The following MAPKBP1 variants were observed in gnomAD, a reference collection of about 807,000 sequenced individuals.
The protein encoded by MAPKBP1 is mitogen-activated protein kinase-binding protein 1.
Under a neutral mutation model 170.5 loss-of-function variants are expected in MAPKBP1, and 71 were observed. The ratio of observed to expected loss-of-function variants is 0.42; its 90% CI spans 0.34 to 0.51. The LOEUF (loss-of-function observed/expected upper bound fraction) is 0.51. MAPKBP1 is among the 20% of genes least tolerant of loss of function. The pLI, the probability that MAPKBP1 is intolerant of heterozygous loss-of-function variation, is 0.06. For synonymous variants in MAPKBP1, 719 were observed against 757.9 expected (o/e 0.95, Z 0.84); for missense variants, 1,598 against 1,933.0 (o/e 0.83, Z 3.25).
chr15:41,819,557 G>GGGGGGGCCCCCCCC, intron 21 of MAPKBP1, 38 bp from the exon 22 acceptor site: 2 of 1,384,600 alleles, frequency 1.4e-6, no homozygotes, highest in Non-Finnish European at 2.0e-6. Flanking sequence ...CGGGGGGGGG[G>GGGGGGGCCCCCCCC]CAGGAGACAC....
chr15:41,792,317 A>G (rs1313066452), intron 2 of MAPKBP1, among the ~76,000 whole-genome samples: 1 of 151,842 alleles, frequency 6.6e-6, no homozygotes, highest in Non-Finnish European at 1.5e-5. Flanking sequence ...TGCTCTGCCT[A>G]GTTCCTACTG....
Position 41,814,552 on chromosome 15 carries a change from G to A in MAPKBP1, c.983G>A (p.Arg328His), listed in dbSNP as rs149696537. Residue 328 changes from arginine (R) to histidine (H), a missense_variant and splice_region_variant, in exon 10 of 31, where the codon CGC (arginine) becomes CAC (histidine). Coordinates refer to ENST00000457542, the MANE Select transcript of MAPKBP1 (RefSeq NM_014994.3). Reference sequence around the variant, plus strand: ...TGTGCCCTGTCCTCTCCCTACAGTCGCCTCTTCTCTGGAGTGGCGAATGCC... The same window carrying A: ...TGTGCCCTGTCCTCTCCCTACAGTCACCTCTTCTCTGGAGTGGCGAATGCC... The part of the protein sequence containing the change: ...TDIASVTEAS[R>H]LFSGVANARY... The A allele has an allele frequency of 4.1e-5, 66 of 1,613,780 alleles. No homozygotes were observed. Among genetic ancestry groups the A allele is most frequent in the African/African-American group, 5.3e-5 (4 of 74,896 alleles).
Position 41,823,825 on chromosome 15 carries a change from T to A in MAPKBP1, c.3977T>A (p.Val1326Glu). 6.2e-7 allele frequency: 1 copy of A among 1,614,136 alleles called. No homozygotes were observed. Among genetic ancestry groups the A allele is most frequent in the Non-Finnish European group, 8.5e-7 (1 of 1,180,014 alleles). Reference protein sequence around the residue: ...PGEAEKPGFPVGLGKAHSTTE... With the variant: ...PGEAEKPGFPEGLGKAHSTTE... ...GAGGCAGAAAAGCCTGGCTTCCCGG[T>A]GGGCCTAGGAAAAGCTCACAGTACA... is the stretch of plus-strand genomic sequence containing the variant. Residue 1326 changes from valine to glutamate, a missense_variant, in exon 29 of 31, where the codon GTG becomes GAG. Physicochemically the swap from Val to Glu is moderately radical, Grantham distance 121. Transcript: ENST00000457542.
chr15:41,802,917 A>T (rs1187225398), intron 3 of MAPKBP1, among the ~76,000 whole-genome samples: 2 of 152,224 alleles, frequency 1.3e-5, no homozygotes, highest in African/African-American at 4.8e-5. Flanking sequence ...AGATGTCACT[A>T]AGTGACAGGA....
intron 9 of MAPKBP1, 90 bp from the exon 10 acceptor site, chr15:41,814,460 G>A (rs1346350984): frequency 6.2e-6 from 8 of 1,287,196 alleles, no homozygotes; most frequent in Non-Finnish European, 7.5e-6. Context: ...GTCCAGGGAG[G>A]GCTCCTCACA....
chr15:41,782,039 G>A (rs1467696867), intron 2 of MAPKBP1, among the ~76,000 whole-genome samples: 1 of 149,084 alleles, frequency 6.7e-6, no homozygotes, highest in South Asian at 2.1e-4. Context: ...ATGAGGTCAG[G>A]AGATCGAGAC....
rs773785400 is a variant in MAPKBP1, at chr15:41,811,164, C to T, written c.270-14C>T. 6.2e-6 allele frequency: 10 copies of T among 1,614,026 alleles called. No homozygotes were observed. Among genetic ancestry groups the T allele is most frequent in the Non-Finnish European group, 8.5e-6 (10 of 1,179,986 alleles). ...GCTGCCAGTGCCCCTCTGAGCCTGC[C>T]CCATCTCTTGCAGGAAAACCATCAC... On this transcript the variant is annotated splice_polypyrimidine_tract_variant and intron_variant, in intron 4 of 30. Transcript: ENST00000457542.
At chr15:41,803,434 A>AAAAAAAAAAAG (rs58804270) in intron 3 of MAPKBP1, among the ~76,000 whole-genome samples, 2,459 of 90,556 alleles carry the variant, frequency 0.027, 652 homozygotes, top group African/African-American at 0.077. Flanking sequence ...AAAAAAAAAA[A>AAAAAAAAAAAG]AGGTTAAGCA....
chr15:41,819,735 G>C (rs890497), intron 22 of MAPKBP1, 85 bp downstream of exon 22: 1 of 1,393,260 alleles, frequency 7.2e-7, no homozygotes, highest in African/African-American at 1.4e-5. Context: ...GCCTGGTAGG[G>C]TACTGGGGCA....
In MAPKBP1 at chr15:41,817,048, T is replaced by C. The variant is rs1410256274; in HGVS notation, c.1711+13T>C. 6.4e-7 allele frequency: 1 copy of C among 1,569,670 alleles called. No individual in the cohort carries two copies. Among genetic ancestry groups the C allele is most frequent in the African/African-American group, 1.4e-5 (1 of 73,864 alleles). ...GTTAAGTTTGCAGGTGCGGGCAGGG[T>C]GAATGAGACACATCCTGCCACTCTC... On this transcript the variant is annotated intron_variant, in intron 14 of 30. Coordinates refer to ENST00000457542, the MANE Select transcript of MAPKBP1 (RefSeq NM_014994.3). The surrounding 1 kb of genome is among the most constrained non-coding windows in gnomAD (Gnocchi z 4.2).
chr15:41,822,632 G>A lies in MAPKBP1; in HGVS notation c.3269G>A (p.Ser1090Asn), dbSNP rs779513291. 3.1e-6 allele frequency: 5 copies of A among 1,614,106 alleles called. No individual in the cohort carries two copies. The highest frequency in any genetic ancestry group is 1.7e-4 in the Middle Eastern group (1 of 6,056). Residue 1090 changes from serine to asparagine, a missense_variant, in exon 27 of 31, where the codon AGT becomes AAT. Physicochemically the swap from Ser to Asn is conservative, Grantham distance 46. Transcript: ENST00000457542. ...GTCCCAGAGAGGTCAGAGTCTCGGA[G>A]TATCTCTTCACGATTCCTGTTGCAA... is the stretch of plus-strand genomic sequence containing the variant. The part of the protein sequence containing the change: ...VQVPERSESR[S>N]ISSRFLLQVQ...
Position 41,819,544 on chromosome 15 carries a change from T to TGGC in MAPKBP1, c.2426-48_2426-46dup, listed in dbSNP as rs1555453986. 1.2e-4 allele frequency: 112 copies of TGGC among 912,636 alleles called. 2 individuals carry two copies. Among genetic ancestry groups the TGGC allele is most frequent in the Admixed American group, 4.5e-4 (18 of 39,888 alleles). 56.5% of individuals were successfully genotyped at this position (912,636 alleles called of 1,614,324 possible). On this transcript the variant is annotated intron_variant, in intron 21 of 30. Coordinates refer to ENST00000457542, the MANE Select transcript of MAPKBP1 (RefSeq NM_014994.3). ...ATGGGGCCAGGGCTCCAGGGTTGGG[T>TGGC]GGCGGGGGGGGGGCAGGAGACACTT...
At chr15:41,796,842 A>AT (rs2064499606) in intron 2 of MAPKBP1, among the ~76,000 whole-genome samples, 1 of 152,216 alleles carries the variant, frequency 6.6e-6, no homozygotes, top group South Asian at 2.1e-4. Context: ...AGGGTTTCCC[A>AT]AACTAGAGCT....
intron 8 of MAPKBP1, 94 bp downstream of exon 8, chr15:41,813,195 G>A (rs1236374340): frequency 2.6e-6 from 4 of 1,532,424 alleles, no homozygotes; most frequent in Non-Finnish European, 3.6e-6. Flanking sequence ...CTGGTCCCTT[G>A]TGCATACGGG....
At chr15:41,819,557 G>GGGGGGGGCCCGGCC in intron 21 of MAPKBP1, 38 bp from the exon 22 acceptor site, 1 of 1,384,690 alleles carries the variant, frequency 7.2e-7, no homozygotes, top group Non-Finnish European at 1.0e-6. Context: ...CGGGGGGGGG[G>GGGGGGGGCCCGGCC]CAGGAGACAC....
At chr15:41,823,288 AGGGAG>A (rs1445029913) in intron 28 of MAPKBP1, 66 bp downstream of exon 28, 4 of 1,569,678 alleles carry the variant, frequency 2.5e-6, no homozygotes, top group Admixed American at 3.5e-5. Context: ...ATGCTGGAGG[AGGGAG>A]GGCCTGGTGT....
intron 2 of MAPKBP1, among the ~76,000 whole-genome samples, chr15:41,777,022 G>T (rs1449091168): frequency 6.6e-6 from 1 of 152,132 alleles, no homozygotes; most frequent in Admixed American, 6.5e-5. Flanking sequence ...CAGGGGAGGC[G>T]ACCTAAGTCA....
chr15:41,803,407 C>T (rs944186237), intron 3 of MAPKBP1, among the ~76,000 whole-genome samples: 2 of 16,266 alleles, frequency 1.2e-4, no homozygotes, highest in African/African-American at 4.8e-4. Flanking sequence ...GAGCAAGACT[C>T]CATCTCAAAA....
At position 41,821,560 on chromosome 15, in the gene MAPKBP1, T is replaced by G. The variant is rs752687695; in HGVS notation, c.2719-24T>G. 4 of 1,605,344 alleles carry G rather than the reference T, an allele frequency of 2.5e-6. No individual in the cohort carries two copies. The South Asian group carries it at 3.3e-5, about 13-fold the overall frequency. On this transcript the variant is annotated intron_variant, in intron 23 of 30. Transcript: ENST00000457542. The stretch of plus-strand genomic sequence containing the variant: ...GCCTCATCTGTCACCTCTGCTCTGT[T>G]AACATCCCTTTGTGTGTTCCCAGAA...
Sources: allele counts gnomAD v4.1 joint callset (sites outside exome capture counted in the v4.1 genomes callset), GRCh38; gene constraint gnomAD v4.1.1; non-coding constraint Gnocchi (gnomAD v3.1); transcripts MANE v1.5; gene names NCBI Gene and HGNC (gene_info 2026-07-23, HGNC 2026-07-21).